Variants in SHANK2 observed in about 807,000 individuals in gnomAD.
SHANK2 encodes the protein SH3 and multiple ankyrin repeat domains protein 2.
SHANK2 carries 43 observed loss-of-function variants against 133.7 expected under a neutral mutation model. That is an observed-to-expected ratio of 0.32 (90% CI 0.25 to 0.41). The LOEUF (loss-of-function observed/expected upper bound fraction) is 0.41. Ranked by LOEUF, SHANK2 falls within the 10% of genes least tolerant of loss-of-function variation. SHANK2 has a pLI of 1.00. For synonymous variants in SHANK2, 1,017 were observed against 952.8 expected (o/e 1.07, Z -1.24); for missense variants, 1,994 against 2,235.8 (o/e 0.89, Z 2.18).
At chr11:70,551,057 G>A (rs906846500) in intron 17 of SHANK2, among the ~76,000 whole-genome samples, 2 of 152,144 alleles carry the variant, frequency 1.3e-5, no homozygotes, top group African/African-American at 4.8e-5. Flanking sequence ...GAGTGCCAGC[G>A]GACCCCCTCC....
chr11:70,558,184 G>C (rs1253055776), intron 17 of SHANK2, among the ~76,000 whole-genome samples: 4 of 152,180 alleles, frequency 2.6e-5, no homozygotes, highest in Non-Finnish European at 4.4e-5. Context: ...GTGTGCGAGG[G>C]GGAGCCCCCT....
At chr11:70,809,550 A>C (rs1404457922) in intron 12 of SHANK2, among the ~76,000 whole-genome samples, 1 of 152,180 alleles carries the variant, frequency 6.6e-6, no homozygotes, top group East Asian at 1.9e-4. Context: ...GGCTGTATTT[A>C]GTTCTGATTC....
intron 10 of SHANK2, among the ~76,000 whole-genome samples, chr11:70,949,598 C>T (rs1020853200): frequency 6.6e-6 from 1 of 152,222 alleles, no homozygotes; most frequent in Non-Finnish European, 1.5e-5. Flanking sequence ...CAGACTAGGG[C>T]ACCAAGCCTC....
chr11:71,171,559 G>A (rs1201268598), intron 2 of SHANK2, among the ~76,000 whole-genome samples: 3 of 152,194 alleles, frequency 2.0e-5, no homozygotes, highest in African/African-American at 7.2e-5. Flanking sequence ...GAGGATGAGT[G>A]TGTCCAGCCC....
chr11:70,888,573 G>T (rs1949783553), intron 11 of SHANK2, among the ~76,000 whole-genome samples: 1 of 152,160 alleles, frequency 6.6e-6, no homozygotes, highest in South Asian at 2.1e-4. Context: ...CCAGGACTTT[G>T]GGTGAGGCTG....
At chr11:71,207,694 C>A (rs1484420218) in intron 2 of SHANK2, among the ~76,000 whole-genome samples, 1 of 152,220 alleles carries the variant, frequency 6.6e-6, no homozygotes, top group Non-Finnish European at 1.5e-5. Context: ...AGCAGGACAG[C>A]ACTGACGCCA....
rs552280027 is a variant in SHANK2 at position 70,650,112 on chromosome 11, C to A, written c.2061+9716G>T. ...GGTGTGAGTGTGAGAGTCAGGGCAA[C>A]CTGAGGGTGCCAAGAGGGGCCTCTC... is the stretch of plus-strand genomic sequence containing the variant. On this transcript the variant is annotated intron_variant, in intron 17 of 25. Coordinates refer to ENST00000601538, the MANE Select transcript of SHANK2 (RefSeq NM_012309.5). 5.3e-5 allele frequency among the ~76,000 whole-genome samples: 8 copies of A among 152,270 alleles called. No individual in the cohort carries two copies. The South Asian group carries it at 1.7e-3, about 32-fold the overall frequency.
intron 17 of SHANK2, among the ~76,000 whole-genome samples, chr11:70,554,272 C>T (rs2059802979): frequency 6.6e-6 from 1 of 152,172 alleles, no homozygotes; most frequent in Non-Finnish European, 1.5e-5. Flanking sequence ...GATGAGCCCC[C>T]AAGGGGGTCC....
intron 11 of SHANK2, among the ~76,000 whole-genome samples, chr11:70,895,217 G>A (rs554539759): frequency 3.9e-5 from 6 of 152,194 alleles, no homozygotes; most frequent in Non-Finnish European, 7.3e-5. Flanking sequence ...CTCCAAGGCG[G>A]GGTAGGTACC....
At chr11:70,924,544 C>G (rs1193187628) in intron 10 of SHANK2, among the ~76,000 whole-genome samples, 1 of 152,174 alleles carries the variant, frequency 6.6e-6, no homozygotes, top group Admixed American at 6.5e-5. Context: ...ACAACCTCTG[C>G]CTCCTGGGTT....
At chr11:70,944,253 T>A (rs1950687871) in intron 10 of SHANK2, among the ~76,000 whole-genome samples, 1 of 152,210 alleles carries the variant, frequency 6.6e-6, no homozygotes, top group Non-Finnish European at 1.5e-5. Flanking sequence ...GTTGCCTGGG[T>A]TTCTGAGTCA....
chr11:70,900,920 G>A (rs1950013604), intron 10 of SHANK2, among the ~76,000 whole-genome samples: 1 of 152,138 alleles, frequency 6.6e-6, no homozygotes, highest in African/African-American at 2.4e-5. Context: ...CTGCTGGTCT[G>A]GGTGCATGAG....
At chr11:70,643,822 G>T (rs918184690) in intron 17 of SHANK2, among the ~76,000 whole-genome samples, 2 of 152,044 alleles carry the variant, frequency 1.3e-5, no homozygotes, top group Non-Finnish European at 2.9e-5. Context: ...TCCCATGGGG[G>T]AAGACTGACC....
chr11:70,712,919 G>T (rs1945824254), intron 14 of SHANK2, among the ~76,000 whole-genome samples: 3 of 152,228 alleles, frequency 2.0e-5, no homozygotes, highest in East Asian at 1.9e-4. Flanking sequence ...GAAGATCGTG[G>T]TTCCTCCCAT....
intron 2 of SHANK2, among the ~76,000 whole-genome samples, chr11:71,190,774 C>A (rs1953776787): frequency 6.6e-6 from 1 of 152,192 alleles, no homozygotes; most frequent in South Asian, 2.1e-4. Context: ...CACGGCTCCA[C>A]CCTGGGCTGC....
At chr11:71,091,700 C>G (rs1166765912) in intron 8 of SHANK2, among the ~76,000 whole-genome samples, 1 of 151,986 alleles carries the variant, frequency 6.6e-6, no homozygotes, top group African/African-American at 2.4e-5. Context: ...AGAAGAGAGG[C>G]AGATATTCCT....
intron 11 of SHANK2, among the ~76,000 whole-genome samples, chr11:70,835,940 C>T (rs562976447): frequency 6.6e-6 from 1 of 152,198 alleles, no homozygotes; most frequent in Admixed American, 6.5e-5. Context: ...GGAGTGGGCA[C>T]CCCGAGCCCA....
At chr11:70,920,183 TAATA>T (rs1555080491) in intron 10 of SHANK2, among the ~76,000 whole-genome samples, 1 of 152,194 alleles carries the variant, frequency 6.6e-6, no homozygotes, top group Non-Finnish European at 1.5e-5. Context: ...CACAAGCACT[TAATA>T]AATAGTAGCT....
intron 1 of SHANK2, among the ~76,000 whole-genome samples, chr11:71,240,090 T>C (rs1257192454): frequency 6.6e-6 from 1 of 152,146 alleles, no homozygotes; most frequent in Non-Finnish European, 1.5e-5. Context: ...GAGAATGAAC[T>C]CCAGAAGCTA....
Sources: gnomAD v4.1 joint callset for allele counts (sites outside exome capture counted in the v4.1 genomes callset) on GRCh38, gnomAD v4.1.1 for gene constraint, MANE v1.5 for transcripts, NCBI Gene and HGNC (gene_info 2026-07-23, HGNC 2026-07-21) for gene names.